Variants in FUT9 observed in about 807,000 individuals in gnomAD.
FUT9 encodes the protein fucosyltransferase 9, also known as 4-galactosyl-N-acetylglucosaminide 3-alpha-L-fucosyltransferase 9.
A neutral mutation model predicts 29.7 loss-of-function variants in FUT9; 15 were observed. The ratio of observed to expected loss-of-function variants is 0.51; its 90% CI spans 0.34 to 0.78. FUT9 has a LOEUF of 0.78. FUT9 is among the 30% of genes least tolerant of loss of function. The pLI, the probability that FUT9 is intolerant of heterozygous loss-of-function variation, is 0.01. For synonymous variants in FUT9, 169 were observed against 153.7 expected (o/e 1.10, Z -0.74); for missense variants, 319 against 425.4 (o/e 0.75, Z 2.20).
chr6:96,170,555 C>G (rs887259483), intron 2 of FUT9, among the ~76,000 whole-genome samples: 1 of 150,914 alleles, frequency 6.6e-6, no homozygotes, highest in Non-Finnish European at 1.5e-5. Context: ...TTCACACACA[C>G]ACACACACAC....
intron 1 of FUT9, among the ~76,000 whole-genome samples, chr6:96,024,116 C>G (rs535542775): frequency 2.0e-5 from 3 of 152,016 alleles, no homozygotes; most frequent in African/African-American, 4.8e-5. Context: ...ACTGTGAACA[C>G]TGCTTAAACT....
intron 2 of FUT9, among the ~76,000 whole-genome samples, chr6:96,159,961 A>T (rs1003713716): frequency 3.4e-4 from 52 of 152,186 alleles, no homozygotes; most frequent in African/African-American, 1.3e-3. Flanking sequence ...CCTTGAATAT[A>T]ATTTTTCATT....
At chr6:96,189,094 G>T (rs149019361) in intron 2 of FUT9, among the ~76,000 whole-genome samples, 1 of 152,070 alleles carries the variant, frequency 6.6e-6, no homozygotes, top group African/African-American at 2.4e-5. Flanking sequence ...TTGGGGGAAG[G>T]TTGGGAGACT....
chr6:96,191,121 A>G (rs1773499923), intron 2 of FUT9, among the ~76,000 whole-genome samples: 1 of 152,064 alleles, frequency 6.6e-6, no homozygotes, highest in Non-Finnish European at 1.5e-5. Flanking sequence ...TCTAACAGTC[A>G]AGACCCTCAG....
chr6:96,178,574 C>T (rs896060115), intron 2 of FUT9, among the ~76,000 whole-genome samples: 1 of 152,082 alleles, frequency 6.6e-6, no homozygotes, highest in Non-Finnish European at 1.5e-5. Flanking sequence ...TGAGTCTCTT[C>T]GTCTTTAGTC....
At chr6:96,126,089 T>C (rs552349529) in intron 2 of FUT9, among the ~76,000 whole-genome samples, 9 of 152,298 alleles carry the variant, frequency 5.9e-5, no homozygotes, top group Non-Finnish European at 1.2e-4. Context: ...GCCTCTCTCA[T>C]GTCGGCGCAG....
chr6:96,035,888 T>C (rs1315597978), intron 1 of FUT9, among the ~76,000 whole-genome samples: 3 of 101,616 alleles, frequency 3.0e-5, no homozygotes, highest in Non-Finnish European at 6.3e-5. Context: ...ACATTATGTT[T>C]ATTATATTAA....
intron 2 of FUT9, among the ~76,000 whole-genome samples, chr6:96,119,913 T>A (rs900912914): frequency 1.3e-5 from 2 of 152,048 alleles, no homozygotes; most frequent in Non-Finnish European, 2.9e-5. Flanking sequence ...TATGAGGGGG[T>A]TATTAACAAT....
intron 2 of FUT9, among the ~76,000 whole-genome samples, chr6:96,135,251 T>C (rs550945515): frequency 1.1e-4 from 16 of 152,100 alleles, no homozygotes; most frequent in African/African-American, 3.8e-4. Context: ...TACATACTTA[T>C]CTATAAACAC....
intron 1 of FUT9, among the ~76,000 whole-genome samples, chr6:96,098,737 A>G (rs1374624358): frequency 6.6e-6 from 1 of 152,180 alleles, no homozygotes; most frequent in African/African-American, 2.4e-5. Context: ...TTGGTAGGAA[A>G]GATCTATCAC....
intron 2 of FUT9, among the ~76,000 whole-genome samples, chr6:96,177,187 C>A (rs893518952): frequency 6.6e-6 from 1 of 152,036 alleles, no homozygotes; most frequent in Non-Finnish European, 1.5e-5. Flanking sequence ...AAATTTTTTT[C>A]TCTAAAAACA....
chr6:96,042,338 T>C (rs1312848218), intron 1 of FUT9, among the ~76,000 whole-genome samples: 2 of 152,240 alleles, frequency 1.3e-5, no homozygotes, highest in Non-Finnish European at 2.9e-5. Flanking sequence ...GTATTTTAAC[T>C]ATTGTTTTTT....
At chr6:96,030,678 T>G (rs754658480) in intron 1 of FUT9, among the ~76,000 whole-genome samples, 6 of 151,554 alleles carry the variant, frequency 4.0e-5, no homozygotes, top group Non-Finnish European at 8.9e-5. Context: ...TTATAATGAA[T>G]ATTTAAGTGT....
chr6:96,069,573 A>G (rs1400615744), intron 1 of FUT9, among the ~76,000 whole-genome samples: 1 of 152,062 alleles, frequency 6.6e-6, no homozygotes, highest in African/African-American at 2.4e-5. Flanking sequence ...AGATAATTTC[A>G]AGGAAGATTA....
In FUT9 at chr6:96,060,056, A is replaced by G. The variant is rs545167587; in HGVS notation, c.-98+43844A>G. Among the ~76,000 whole-genome samples the G allele has an allele frequency of 3.9e-5, 6 of 152,270 alleles. No individual in the cohort carries two copies. The South Asian group carries it at 1.2e-3, about 32-fold the overall frequency. On this transcript the variant is annotated intron_variant, in intron 1 of 2. Transcript: ENST00000302103. ...TATTATCTGCATAGAACAATCGCCT[A>G]CTTTCTTTATTAATAGATCTTATTT...
chr6:96,109,637 A>G (rs1179287484), intron 1 of FUT9, among the ~76,000 whole-genome samples: 1 of 152,204 alleles, frequency 6.6e-6, no homozygotes, highest in Non-Finnish European at 1.5e-5. Context: ...AAATCCAAAC[A>G]CTTATTTCCA....
At chr6:96,138,517 G>T in intron 2 of FUT9, among the ~76,000 whole-genome samples, 1 of 151,082 alleles carries the variant, frequency 6.6e-6, no homozygotes, top group South Asian at 2.1e-4. Flanking sequence ...AATTTTGCAG[G>T]GAAAGTGAAA....
At chr6:96,193,611 TA>T (rs1773563084) in intron 2 of FUT9, among the ~76,000 whole-genome samples, 1 of 152,008 alleles carries the variant, frequency 6.6e-6, no homozygotes, top group African/African-American at 2.4e-5. Context: ...GGTGGGACTG[TA>T]AACTAGTTCA....
intron 2 of FUT9, among the ~76,000 whole-genome samples, chr6:96,120,951 A>T (rs904646823): frequency 1.3e-5 from 2 of 152,018 alleles, no homozygotes; most frequent in Non-Finnish European, 1.5e-5. Flanking sequence ...TCTTACACAT[A>T]CCGTCCAATA....
Sources: allele counts gnomAD v4.1 joint callset (sites outside exome capture counted in the v4.1 genomes callset), GRCh38; gene constraint gnomAD v4.1.1; transcripts MANE v1.5; gene names NCBI Gene and HGNC (gene_info 2026-07-23, HGNC 2026-07-21).